AACS: variants seen among roughly 807,000 people sequenced by gnomAD.
AACS encodes the protein acetoacetyl-CoA synthetase, also known as acetoacetate-CoA ligase.
Under a neutral mutation model 83.1 loss-of-function variants are expected in AACS, and 69 were observed. The ratio of observed to expected loss-of-function variants is 0.83; its 90% CI spans 0.68 to 1.01. The LOEUF is 1.01. Ranked by LOEUF, AACS falls within the 50% of genes least tolerant of loss-of-function variation. The probability of loss-of-function intolerance (pLI) is 0.00; values close to 1 mark genes in which losing one functional copy is unlikely to be tolerated. For missense variants in AACS, 866 were observed against 882.2 expected (o/e 0.98, Z 0.23); for synonymous variants, 333 against 343.4 (o/e 0.97, Z 0.33).
At chr12:125,080,338 AAAACCCAAAACTAAAAATCT>A in intron 3 of AACS, among the ~76,000 whole-genome samples, 1 of 152,294 alleles carries the variant, frequency 6.6e-6, no homozygotes, top group East Asian at 1.9e-4. Context: ...AAAAAACCCA[AAAACCCAAAACTAAAAATCT>A]AAACCCAAAA....
intron 17 of AACS, chr12:125,140,000 G>A (rs1329537097): frequency 1.3e-5 from 2 of 152,172 alleles, no homozygotes; most frequent in Non-Finnish European, 2.9e-5. Flanking sequence ...GAGAGATGAG[G>A]GGTCTTGCCC....
intron 9 of AACS, chr12:125,118,303 T>G: frequency 7.0e-6 from 2 of 287,014 alleles, no homozygotes; most frequent in Non-Finnish European, 1.4e-5. Context: ...GAACGCCTCA[T>G]GTGGGTTCAG....
chr12:125,124,985 AG>A lies in AACS; in HGVS notation c.1272del (p.Arg424SerfsTer160). On this transcript the variant is annotated frameshift_variant, in exon 12 of 18. Coordinates refer to ENST00000316519, the MANE Select transcript of AACS (RefSeq NM_023928.5). LOFTEE classifies it high-confidence loss of function. ...LKAQSYEYVY[R>X]CIKSSILLGS... ...AGCCCAGAGCTACGAGTATGTCTAC[AG>A]GTGCATCAAGAGCAGCATCCTCCTG... The A allele has an allele frequency of 6.2e-7, 1 of 1,614,220 alleles. No homozygotes were observed.
intron 3 of AACS, among the ~76,000 whole-genome samples, chr12:125,078,871 C>T (rs71458894): frequency 0.18 from 26,749 of 147,684 alleles, 2,832 homozygotes; most frequent in African/African-American, 0.29. Flanking sequence ...AGACAAGCTG[C>T]CTGCCCTGGG....
intron 17 of AACS, chr12:125,141,696 CA>C (rs60837088): frequency 0.085 from 5,155 of 60,314 alleles, 263 homozygotes; most frequent in African/African-American, 0.22. Context: ...GACTCTGTCT[CA>C]AAAAAAAAAA....
chr12:125,112,643 G>A lies in AACS; in HGVS notation c.916-1834G>A, dbSNP rs1237820362. Among the ~76,000 whole-genome samples, 10 of 142,770 alleles carry A rather than the reference G, an allele frequency of 7.0e-5. No homozygotes were observed. In the Admixed American group the frequency reaches 7.3e-4, roughly 10 times the overall value. 93.7% of individuals were successfully genotyped at this position (142,770 alleles called of 152,430 possible). ...TGCAGTGAGCCGAGATCACACCACT[G>A]CGCTCCAGCCTGGTGACAGAGCGAG... On this transcript the variant is annotated intron_variant, in intron 8 of 17. Coordinates refer to ENST00000316519, the MANE Select transcript of AACS (RefSeq NM_023928.5).
chr12:125,077,671 A>G (rs1369946875), intron 3 of AACS, among the ~76,000 whole-genome samples: 1 of 152,090 alleles, frequency 6.6e-6, no homozygotes, highest in African/African-American at 2.4e-5. Context: ...ACACAGAAAC[A>G]GTTGACAATC....
Position 125,103,450 on chromosome 12 carries a change from C to T in AACS, c.767+369C>T, listed in dbSNP as rs546307694. On this transcript the variant is annotated intron_variant, in intron 7 of 17. Transcript: ENST00000316519. ...TGCATGCACTGCACACGCATGCACA[C>T]GACAAGGCACACATATCTACACGTG... 8.0e-4 allele frequency among the ~76,000 whole-genome samples: 79 copies of T among 98,568 alleles called. 1 individual carries two copies. Among genetic ancestry groups the T allele is most frequent in the African/African-American group, 3.8e-3 (68 of 17,794 alleles). The allele number at this position is 98,568 out of a possible 152,430, so 64.7% of individuals were successfully genotyped here. A position where few individuals can be genotyped will look rare whatever the true frequency, so the allele number is the denominator to read the frequency against.
At chr12:125,071,425 G>A (rs749364256) in intron 1 of AACS, among the ~76,000 whole-genome samples, 2 of 152,190 alleles carry the variant, frequency 1.3e-5, no homozygotes, top group East Asian at 1.9e-4. Flanking sequence ...AGGAGAAGCC[G>A]GAGTTTCATT....
intron 1 of AACS, among the ~76,000 whole-genome samples, chr12:125,072,467 G>C (rs1393626046): frequency 6.6e-6 from 1 of 152,164 alleles, no homozygotes; most frequent in Non-Finnish European, 1.5e-5. Context: ...TCAGCTCAGC[G>C]GTTGTATTAT....
intron 7 of AACS, 52 bp from the exon 8 acceptor site, chr12:125,107,069 G>T: frequency 6.2e-7 from 1 of 1,611,720 alleles, no homozygotes. Context: ...AGTGGGTCCG[G>T]TCCAGCATTC....
At chr12:125,085,284 G>A (rs932863393) in intron 3 of AACS, among the ~76,000 whole-genome samples, 9 of 151,958 alleles carry the variant, frequency 5.9e-5, no homozygotes, top group Non-Finnish European at 5.9e-5. Flanking sequence ...CTGGAACCAC[G>A]CACACGCATG....
rs886171330 is a variant in AACS, at chr12:125,080,587, A to G, written c.358+3976A>G. ...GGTTATAATTCTGTGTCTGTTTCACACCCCCTACCCCTTTACCTTAGCCTG... is the reference window on the plus strand; with the variant it reads ...GGTTATAATTCTGTGTCTGTTTCACGCCCCCTACCCCTTTACCTTAGCCTG... On this transcript the variant is annotated intron_variant, in intron 3 of 17. Transcript: ENST00000316519. Among the ~76,000 whole-genome samples, 9 of 151,226 alleles carry G rather than the reference A, an allele frequency of 6.0e-5. No individual in the cohort carries two copies. The South Asian group carries it at 1.9e-3, about 32-fold the overall frequency.
In AACS at chr12:125,102,783, G is replaced by C. The variant is rs1365640556; in HGVS notation, c.675G>C (p.Gln225His). The change falls in exon 6 of 18, where the codon CAG becomes CAC. Residue 225 changes from glutamine (Q) to histidine (H), a missense_variant. Transcript: ENST00000316519. ...ACAACCACATGGAAAAGCTGCAGCA[G>C]GTGGTTAAAGGTGTGTGGCCCTTCC... ...KEHNHMEKLQQVVKGLPDLKK... is the reference protein window; with the variant it reads ...KEHNHMEKLQHVVKGLPDLKK... 6.2e-7 allele frequency: 1 copy of C among 1,614,060 alleles called. No homozygotes were observed. The highest frequency in any genetic ancestry group is 8.5e-7 in the Non-Finnish European group (1 of 1,179,990).
chr12:125,093,089 G>A (rs1956524637), intron 5 of AACS, among the ~76,000 whole-genome samples: 2 of 152,242 alleles, frequency 1.3e-5, no homozygotes, highest in Non-Finnish European at 2.9e-5. Context: ...CGGGGACAGG[G>A]TGTGACCCTC....
At chr12:125,079,357 G>A (rs1387910567) in intron 3 of AACS, among the ~76,000 whole-genome samples, 2 of 152,154 alleles carry the variant, frequency 1.3e-5, no homozygotes, top group Non-Finnish European at 2.9e-5. Context: ...GAGACTTAGG[G>A]GACTGCTCCG....
chr12:125,134,001 A>G lies in AACS; in HGVS notation c.1550-2A>G. ...GACCGGGCACCTCTGCTGTCTTTGC[A>G]GGTATCTGGGCTCATGGCGACTACT... On this transcript the variant is annotated splice_acceptor_variant, in intron 14 of 17. Coordinates refer to ENST00000316519, the MANE Select transcript of AACS (RefSeq NM_023928.5). LOFTEE classifies it high-confidence loss of function. 1.2e-6 allele frequency: 2 copies of G among 1,614,088 alleles called. No individual in the cohort carries two copies. Among genetic ancestry groups the G allele is most frequent in the South Asian group, 1.1e-5 (1 of 91,082 alleles).
At chr12:125,116,436 C>T (rs752920060) in intron 9 of AACS, among the ~76,000 whole-genome samples, 2 of 152,082 alleles carry the variant, frequency 1.3e-5, no homozygotes, top group Non-Finnish European at 2.9e-5. Flanking sequence ...AGCTTGACCC[C>T]ACCTGTGTTC....
intron 13 of AACS, chr12:125,128,703 GC>G (rs1349072652): frequency 1.3e-5 from 2 of 158,370 alleles, no homozygotes; most frequent in African/African-American, 2.4e-5. Context: ...CACCTGCTCT[GC>G]AGAGCAATGT....
Sources: gnomAD v4.1 joint callset for allele counts (sites outside exome capture counted in the v4.1 genomes callset) on GRCh38, gnomAD v4.1.1 for gene constraint, MANE v1.5 for transcripts, NCBI Gene and HGNC (gene_info 2026-07-23, HGNC 2026-07-21) for gene names.